AOAH: variants seen among roughly 807,000 people sequenced by gnomAD.
AOAH encodes acyloxyacyl hydrolase (neutrophil).
AOAH carries 64 observed loss-of-function variants against 92.2 expected under a neutral mutation model. The ratio of observed to expected loss-of-function variants is 0.69; its 90% CI spans 0.57 to 0.86. The LOEUF (loss-of-function observed/expected upper bound fraction) is 0.86, where lower values mean the gene tolerates loss of function less well. Ranked by LOEUF, AOAH falls within the 40% of genes least tolerant of loss-of-function variation. The pLI is 0.00. For missense variants in AOAH, 656 were observed against 694.6 expected, an observed-to-expected ratio of 0.94 and a Z score of 0.62; for synonymous variants, 263 against 254.5, an observed-to-expected ratio of 1.03 and a Z score of -0.32.
At chr7:36,577,275 C>T (rs555359886) in intron 12 of AOAH, among the ~76,000 whole-genome samples, 74 of 152,248 alleles carry the variant, frequency 4.9e-4, no homozygotes, top group African/African-American at 1.3e-3. Context: ...TTTCTGGTAA[C>T]GCTTCTTAGG....
intron 11 of AOAH, among the ~76,000 whole-genome samples, chr7:36,613,026 G>T (rs1791578017): frequency 1.3e-5 from 2 of 151,790 alleles, no homozygotes; most frequent in African/African-American, 4.8e-5. Flanking sequence ...ATTATATCTA[G>T]TTTTTTTTGT....
At chr7:36,560,292 A>C (rs1787163258) in intron 13 of AOAH, among the ~76,000 whole-genome samples, 1 of 152,194 alleles carries the variant, frequency 6.6e-6, no homozygotes, top group Non-Finnish European at 1.5e-5. Context: ...AGCTTGATAA[A>C]AATAGCACTG....
chr7:36,668,718 C>T (rs1215782572), intron 3 of AOAH, among the ~76,000 whole-genome samples: 1 of 152,246 alleles, frequency 6.6e-6, no homozygotes. Context: ...AACTCCTGGA[C>T]TCAAGTGATC....
chr7:36,556,766 G>C (rs1786754537), intron 13 of AOAH, among the ~76,000 whole-genome samples: 1 of 136,332 alleles, frequency 7.3e-6, no homozygotes, highest in Non-Finnish European at 1.6e-5. Context: ...TTTGATCTTT[G>C]TTGGTTTAAA....
At chr7:36,553,992 A>T (rs1476549131) in intron 13 of AOAH, among the ~76,000 whole-genome samples, 2 of 151,968 alleles carry the variant, frequency 1.3e-5, no homozygotes, top group Non-Finnish European at 2.9e-5. Context: ...GTTTAATTAG[A>T]TCCCATTTGT....
chr7:36,601,688 G>A (rs1192340189), intron 11 of AOAH, among the ~76,000 whole-genome samples: 1 of 152,198 alleles, frequency 6.6e-6, no homozygotes, highest in Admixed American at 6.5e-5. Context: ...ATTAAGGGCA[G>A]TCCAGAGTAC....
intron 9 of AOAH, 42 bp downstream of exon 9, chr7:36,620,739 G>A (rs373235008): frequency 5.6e-6 from 9 of 1,597,754 alleles, no homozygotes; most frequent in Non-Finnish European, 7.7e-6. Flanking sequence ...GGGGAGGGAG[G>A]AACAAAGGAG....
chr7:36,585,006 G>T (rs1789213537), intron 12 of AOAH, among the ~76,000 whole-genome samples: 1 of 152,152 alleles, frequency 6.6e-6, no homozygotes, highest in East Asian at 1.9e-4. Context: ...CAGAGTCTGG[G>T]CATGGGAAGG....
At chr7:36,606,903 A>G (rs1554296730) in intron 11 of AOAH, among the ~76,000 whole-genome samples, 1 of 152,196 alleles carries the variant, frequency 6.6e-6, no homozygotes, top group Non-Finnish European at 1.5e-5. Context: ...TTTCGGAGAG[A>G]AGCTCAGGTT....
chr7:36,539,419 G>A (rs1325911242), intron 16 of AOAH, among the ~76,000 whole-genome samples: 1 of 152,186 alleles, frequency 6.6e-6, no homozygotes, highest in Non-Finnish European at 1.5e-5. Flanking sequence ...CCAGCTCCCT[G>A]TTCCTCTTCC....
chr7:36,567,796 G>A lies in AOAH; in HGVS notation c.1021+8778C>T, dbSNP rs147383269. Among the ~76,000 whole-genome samples, 89 of 152,258 alleles carry A rather than the reference G, an allele frequency of 5.8e-4. No homozygotes were observed. The East Asian group carries it at 6.6e-3, about 11-fold the overall frequency. ...CCTACTGAGGAAGCAATTTTTTTCC[G>A]TCAGGTTTCTTTAGGTCAGCAGCAG... On this transcript the variant is annotated intron_variant, in intron 13 of 20. Coordinates refer to ENST00000617537, the MANE Select transcript of AOAH (RefSeq NM_001637.4).
At chr7:36,566,296 G>A (rs923997886) in intron 13 of AOAH, among the ~76,000 whole-genome samples, 1 of 150,626 alleles carries the variant, frequency 6.6e-6, no homozygotes, top group Non-Finnish European at 1.5e-5. Flanking sequence ...GTCCTTCTAC[G>A]TGTAACTGAA....
chr7:36,547,170 C>A (rs932519481), intron 15 of AOAH, among the ~76,000 whole-genome samples: 1 of 152,164 alleles, frequency 6.6e-6, no homozygotes, highest in Non-Finnish European at 1.5e-5. Context: ...TCATGGCAGT[C>A]CTTAAAGGGT....
chr7:36,580,948 A>C (rs1345346918), intron 12 of AOAH, among the ~76,000 whole-genome samples: 2 of 152,190 alleles, frequency 1.3e-5, no homozygotes, highest in Non-Finnish European at 2.9e-5. Context: ...GTGTTTCCGT[A>C]GGATACTCCT....
At chr7:36,618,487 A>G in intron 9 of AOAH, 142 bp from the exon 10 acceptor site, 3 of 720,794 alleles carry the variant, frequency 4.2e-6, no homozygotes, top group Non-Finnish European at 7.1e-6. Flanking sequence ...CCCTAATTCA[A>G]CATAGCAACG....
At chr7:36,721,524 G>A (rs1166738764) in intron 1 of AOAH, among the ~76,000 whole-genome samples, 1 of 152,224 alleles carries the variant, frequency 6.6e-6, no homozygotes, top group Non-Finnish European at 1.5e-5. Context: ...GCAGTGCTCA[G>A]TAAGTGTTCA....
intron 13 of AOAH, among the ~76,000 whole-genome samples, chr7:36,554,377 G>T (rs1786521175): frequency 6.6e-6 from 1 of 152,136 alleles, no homozygotes; most frequent in Non-Finnish European, 1.5e-5. Context: ...TGCTGTTTTG[G>T]TTACTGTAGC....
intron 4 of AOAH, among the ~76,000 whole-genome samples, chr7:36,647,385 G>A (rs1010117241): frequency 6.6e-6 from 1 of 152,130 alleles, no homozygotes; most frequent in Non-Finnish European, 1.5e-5. Context: ...AAAACTCAAA[G>A]GATCTTTTAG....
chr7:36,632,801 G>A (rs545334690), intron 5 of AOAH, among the ~76,000 whole-genome samples: 9 of 152,348 alleles, frequency 5.9e-5, no homozygotes, highest in African/African-American at 9.6e-5. Context: ...TGAGTCCTTC[G>A]AATGGCTATG....
Sources: allele counts gnomAD v4.1 joint callset (sites outside exome capture counted in the v4.1 genomes callset), GRCh38; gene constraint gnomAD v4.1.1; transcripts MANE v1.5; gene names NCBI Gene and HGNC (gene_info 2026-07-23, HGNC 2026-07-21).